The following KYNU variants were observed in gnomAD, a reference collection of about 807,000 sequenced individuals.
KYNU encodes L-kynurenine hydrolase.
Under a neutral mutation model 59.2 loss-of-function variants are expected in KYNU, and 54 were observed. The ratio of observed to expected loss-of-function variants is 0.91; its 90% CI spans 0.73 to 1.14. KYNU has a LOEUF of 1.14. Among genes scored for constraint, KYNU ranks in the 50% most tolerant of loss-of-function variants. KYNU has a pLI of 0.00. For synonymous variants in KYNU, 177 were observed against 192.0 expected (o/e 0.92, Z 0.65); for missense variants, 567 against 554.4 (o/e 1.02, Z -0.23).
At chr2:142,964,271 G>T (rs531739284) in intron 8 of KYNU, among the ~76,000 whole-genome samples, 1 of 151,934 alleles carries the variant, frequency 6.6e-6, no homozygotes, top group East Asian at 1.9e-4. Flanking sequence ...CATAAATTTT[G>T]GGGGGTATAC....
intron 4 of KYNU, among the ~76,000 whole-genome samples, chr2:142,945,343 G>A (rs750827876): frequency 3.0e-4 from 45 of 152,344 alleles, no homozygotes; most frequent in Middle Eastern, 3.4e-3. Flanking sequence ...AATGTTCACA[G>A]CATCTTCACC....
At chr2:143,018,146 T>C (rs1020176284) in intron 10 of KYNU, among the ~76,000 whole-genome samples, 2 of 152,176 alleles carry the variant, frequency 1.3e-5, no homozygotes, top group African/African-American at 2.4e-5. Flanking sequence ...TTAGTTTAAT[T>C]AGGTCTCACT....
chr2:142,880,125 G>A (rs946252512), intron 1 of KYNU, among the ~76,000 whole-genome samples: 3 of 152,120 alleles, frequency 2.0e-5, no homozygotes, highest in African/African-American at 4.8e-5. Flanking sequence ...CCACTTTGGC[G>A]GCAGGGGTAC....
At chr2:143,041,273 A>G (rs1687036820) in intron 13 of KYNU, among the ~76,000 whole-genome samples, 1 of 152,058 alleles carries the variant, frequency 6.6e-6, no homozygotes, top group African/African-American at 2.4e-5. Flanking sequence ...TGATTATGTA[A>G]TTAAGGCATT....
intron 12 of KYNU, among the ~76,000 whole-genome samples, chr2:143,037,854 C>T (rs1432002254): frequency 6.6e-6 from 1 of 152,130 alleles, no homozygotes; most frequent in Non-Finnish European, 1.5e-5. Context: ...ATGTGAAGCT[C>T]AGAATAGACT....
chr2:143,013,799 G>C (rs923618196), intron 10 of KYNU, among the ~76,000 whole-genome samples: 2 of 152,196 alleles, frequency 1.3e-5, no homozygotes, highest in Admixed American at 1.3e-4. Context: ...AGAACACTCA[G>C]GCATAGGTAA....
intron 10 of KYNU, among the ~76,000 whole-genome samples, chr2:143,007,614 C>T (rs975617673): frequency 8.9e-6 from 1 of 112,450 alleles, no homozygotes; most frequent in Non-Finnish European, 1.7e-5. Flanking sequence ...GTCAGATTCA[C>T]CAAAGTTGAA....
At chr2:142,944,915 ATACTG>A (rs1391252740) in intron 4 of KYNU, among the ~76,000 whole-genome samples, 10 of 152,386 alleles carry the variant, frequency 6.6e-5, no homozygotes, top group African/African-American at 2.4e-4. Context: ...TGTTTACACT[ATACTG>A]TAGTCTATTA....
At chr2:142,928,719 G>A (rs1255926717) in intron 4 of KYNU, among the ~76,000 whole-genome samples, 3 of 152,036 alleles carry the variant, frequency 2.0e-5, no homozygotes, top group Non-Finnish European at 4.4e-5. Context: ...ACATAAAAGT[G>A]AATAAGGGCT....
At chr2:142,883,200 T>C (rs1681364317) in intron 1 of KYNU, among the ~76,000 whole-genome samples, 1 of 131,856 alleles carries the variant, frequency 7.6e-6, no homozygotes, top group African/African-American at 2.9e-5. Flanking sequence ...TTTTTTTTTT[T>C]TTTTTTTTTT....
chr2:142,931,277 G>A (rs1289412127), intron 4 of KYNU, among the ~76,000 whole-genome samples: 1 of 152,096 alleles, frequency 6.6e-6, no homozygotes. Flanking sequence ...AAGGGATAAG[G>A]GGCCTCTTTC....
intron 10 of KYNU, among the ~76,000 whole-genome samples, chr2:143,013,707 T>G (rs950798870): frequency 6.6e-6 from 1 of 152,222 alleles, no homozygotes; most frequent in Non-Finnish European, 1.5e-5. Flanking sequence ...TTTTTCTCAG[T>G]AAATTTGGAG....
intron 10 of KYNU, chr2:142,989,012 CA>C: frequency 2.6e-6 from 2 of 781,804 alleles, no homozygotes; most frequent in Non-Finnish European, 4.3e-6. Flanking sequence ...ACCTGAAAAT[CA>C]AATACCACCT....
chr2:142,950,759 AC>A (rs1403262387), intron 4 of KYNU, among the ~76,000 whole-genome samples: 26 of 152,302 alleles, frequency 1.7e-4, no homozygotes, highest in Middle Eastern at 3.4e-3. Context: ...CTTTATATTT[AC>A]AACTTGGCTG....
At position 143,039,568 on chromosome 2, in the gene KYNU, A is replaced by C. The variant is rs1210732709; in HGVS notation, c.1042-860A>C. ...ATTGAGGGTTGGGCTGCTATTTCTC[A>C]TGGCCCAATAACAAGATGCAGATGA... is the stretch of plus-strand genomic sequence containing the variant. On this transcript the variant is annotated intron_variant, in intron 12 of 13. Coordinates refer to ENST00000264170, the MANE Select transcript of KYNU (RefSeq NM_003937.3). 3.7e-4 allele frequency among the ~76,000 whole-genome samples: 56 copies of C among 152,092 alleles called. 2 individuals are homozygous for C. Among genetic ancestry groups the C allele is most frequent in the Admixed American group, 3.7e-3 (56 of 15,240 alleles).
intron 4 of KYNU, among the ~76,000 whole-genome samples, chr2:142,948,966 A>G (rs911478673): frequency 1.3e-5 from 2 of 152,256 alleles, no homozygotes; most frequent in South Asian, 2.1e-4. Flanking sequence ...CAATGGAGGT[A>G]CAGGCACTGG....
chr2:143,005,418 T>G (rs1685842391), intron 10 of KYNU, among the ~76,000 whole-genome samples: 1 of 152,158 alleles, frequency 6.6e-6, no homozygotes, highest in African/African-American at 2.4e-5. Flanking sequence ...CATAAGAGTT[T>G]CCAGCGACCT....
rs2083370 is a variant in KYNU at position 143,053,805 on chromosome 2, C to T, written c.*11633C>T. 37,167 of 152,136 alleles carry T rather than the reference C, an allele frequency of 0.24. 4,839 individuals carry two copies. The highest frequency in any genetic ancestry group is 0.45 in the East Asian group (2,332 of 5,160). 9.4% of individuals were successfully genotyped at this position (152,136 alleles called of 1,614,324 possible). ...AATGTCTTTATCAGCAGTGGGAAAA[C>T]GGATTAATATACTAATTTATAGCTA... On this transcript the variant is annotated 3_prime_UTR_variant, in exon 14 of 14. Coordinates refer to ENST00000264170, the MANE Select transcript of KYNU (RefSeq NM_003937.3).
chr2:142,964,499 G>A (rs560233462), intron 8 of KYNU, among the ~76,000 whole-genome samples: 54 of 152,222 alleles, frequency 3.5e-4, no homozygotes, highest in African/African-American at 8.2e-4. Flanking sequence ...GTGGTAATGC[G>A]TGGCAGTTTT....
Sources: allele counts gnomAD v4.1 joint callset (sites outside exome capture counted in the v4.1 genomes callset), GRCh38; gene constraint gnomAD v4.1.1; transcripts MANE v1.5; gene names NCBI Gene and HGNC (gene_info 2026-07-23, HGNC 2026-07-21).